The following ARMC10 variants were observed in gnomAD, a reference collection of about 807,000 sequenced individuals.
The protein encoded by ARMC10 is armadillo repeat containing 10, also known as armadillo repeat-containing protein 10.
In ARMC10, 23 loss-of-function variants were observed where a neutral mutation model predicts 30.2. The observed-to-expected ratio is 0.76, with a 90% CI of 0.55 to 1.08. The LOEUF is 1.08. Among genes scored for constraint, ARMC10 ranks in the 50% least tolerant of loss-of-function variants. The pLI is 0.00. For missense variants in ARMC10, 303 were observed against 413.7 expected, an observed-to-expected ratio of 0.73 and a Z score of 2.32; for synonymous variants, 111 against 164.4, an observed-to-expected ratio of 0.68 and a Z score of 2.48.
rs116888701 is a variant in ARMC10, at chr7:103,081,023, A to G, written c.245-2659A>G. On this transcript the variant is annotated intron_variant, in intron 2 of 6. Transcript: ENST00000323716. ...GGATTCTAAAGCCACTTTTGCTATT[A>G]TTAATCAGCTATGTGTCCCATTAAT... 3.0e-4 allele frequency among the ~76,000 whole-genome samples: 45 copies of G among 152,348 alleles called. 1 individual carries two copies. The East Asian group carries it at 7.5e-3, about 25-fold the overall frequency.
chr7:103,089,236 T>A (rs1264511117), intron 4 of ARMC10: 1 of 250,762 alleles, frequency 4.0e-6, no homozygotes, highest in Non-Finnish European at 8.8e-6. Flanking sequence ...CAGAGCTCGA[T>A]ATGCAGTAAG....
At chr7:103,093,740 G>A (rs752341535) in intron 5 of ARMC10, among the ~76,000 whole-genome samples, 4 of 152,182 alleles carry the variant, frequency 2.6e-5, no homozygotes, top group Non-Finnish European at 4.4e-5. Flanking sequence ...CTCTGCAGCT[G>A]CTTTACCCAG....
chr7:103,088,534 T>C (rs752904308), intron 4 of ARMC10: 3 of 152,600 alleles, frequency 2.0e-5, no homozygotes, highest in Admixed American at 6.5e-5. Context: ...CTTGCTTAGT[T>C]CTCCAAAGAA....
At chr7:103,086,165 A>G (rs1800834504) in intron 3 of ARMC10, among the ~76,000 whole-genome samples, 1 of 152,146 alleles carries the variant, frequency 6.6e-6, no homozygotes, top group East Asian at 1.9e-4. Context: ...TTTATGGAAC[A>G]TCTCTTAACA....
Position 103,075,289 on chromosome 7 carries a change from G to T in ARMC10, c.17G>T (p.Gly6Val). 10 of 1,223,232 alleles carry T rather than the reference G, an allele frequency of 8.2e-6. No homozygotes were observed. Among genetic ancestry groups the T allele is most frequent in the Non-Finnish European group, 1.0e-5 (10 of 981,974 alleles). The allele number at this position is 1,223,232 out of a possible 1,614,324, so 75.8% of individuals were successfully genotyped here. The change falls in exon 1 of 7, where the codon GGC becomes GTC. Residue 6 changes from glycine to valine, a missense_variant. By Grantham distance (109) the Gly-to-Val change is moderately radical. This residue lies in a region of ARMC10 where 11 missense variants were observed against 27.6 expected (regional missense o/e 0.40). Transcript: ENST00000323716. The part of the protein sequence containing the change: MGGPR[G>V]AGWVAAGLLL... ...GGCGGCAGCATGGGTGGCCCCCGGG[G>T]CGCGGGCTGGGTGGCGGCGGGCCTG...
intron 4 of ARMC10, among the ~76,000 whole-genome samples, chr7:103,092,001 CT>C (rs756725090): frequency 6.6e-6 from 1 of 152,156 alleles, no homozygotes; most frequent in South Asian, 2.1e-4. Context: ...CCAAAGGAAG[CT>C]TTTAAAAAGT....
chr7:103,083,830 A>G lies in ARMC10; in HGVS notation c.393A>G (p.Gln131=), dbSNP rs145780869. The G allele has an allele frequency of 1.2e-5, 20 of 1,613,342 alleles. No homozygotes were observed. In the African/African-American group the frequency reaches 2.4e-4, roughly 19 times the overall value. Residue 131 remains glutamine (Q), a splice_region_variant and synonymous_variant, in exon 3 of 7, where the codon CAA becomes CAG. Transcript: ENST00000323716. ...ACAATGCAGCCTTTTCAGTTAACCAAGTAAGTACCTCAACTCAGCAAGCAA... is the reference window on the plus strand; with the variant it reads ...ACAATGCAGCCTTTTCAGTTAACCAGGTAAGTACCTCAACTCAGCAAGCAA... ...LGNNAAFSVN[Q]AIIRELGGIP...
intron 4 of ARMC10, chr7:103,087,707 A>C (rs1800981227): frequency 2.3e-6 from 2 of 886,504 alleles, no homozygotes; most frequent in African/African-American, 3.6e-5. Context: ...CTTGAATATA[A>C]TGTTGATGGC....
At position 103,098,456 on chromosome 7, in the gene ARMC10, T is replaced by G; in HGVS notation, c.935T>G (p.Leu312Ter). The change falls in exon 7 of 7, where the codon TTA (leucine) becomes TGA (stop). Residue 312 changes from leucine to a stop codon, truncating the protein, a stop_gained. Transcript: ENST00000323716. LOFTEE classifies it high-confidence loss of function. Reference protein sequence around the residue: ...TFTEGSLFFLLHGEECAQKIR... With the variant: ...TFTEGSLFFL The stretch of plus-strand genomic sequence containing the variant: ...ACTGAAGGTTCATTGTTTTTCCTGT[T>G]ACATGGAGAAGAATGTGCCCAGAAA... The G allele has an allele frequency of 6.2e-7, 1 of 1,613,452 alleles. No homozygotes were observed. The highest frequency in any genetic ancestry group is 2.2e-5 in the East Asian group (1 of 44,830).
At chr7:103,081,710 T>TGTAAC (rs1800400227) in intron 2 of ARMC10, among the ~76,000 whole-genome samples, 1 of 151,842 alleles carries the variant, frequency 6.6e-6, no homozygotes, top group Admixed American at 6.6e-5. Flanking sequence ...TGAGATAACA[T>TGTAAC]AGAGTGGTAT....
At chr7:103,092,379 T>A in intron 4 of ARMC10, 98 bp from the exon 5 acceptor site, 14 of 562,330 alleles carry the variant, frequency 2.5e-5, no homozygotes, top group South Asian at 4.2e-5. Context: ...GTCGGTTCCA[T>A]CCTGAGCAGT....
At chr7:103,094,930 T>G (rs1563331048) in intron 5 of ARMC10, among the ~76,000 whole-genome samples, 1 of 149,770 alleles carries the variant, frequency 6.7e-6, no homozygotes, top group African/African-American at 2.4e-5. Context: ...ACTTAAAATT[T>G]TTATCATGAC....
intron 5 of ARMC10, chr7:103,095,882 A>G (rs935198273): frequency 6.6e-6 from 1 of 151,110 alleles, no homozygotes; most frequent in African/African-American, 2.5e-5. Context: ...GGAATTGAAC[A>G]ATGAGAACAC....
intron 1 of ARMC10, 42 bp downstream of exon 1, chr7:103,075,453 A>AG (rs778652302): frequency 7.0e-6 from 9 of 1,276,892 alleles, no homozygotes; most frequent in Admixed American, 3.5e-5. Flanking sequence ...GGGACTGGGC[A>AG]GGGGGGCTCC....
In ARMC10 at chr7:103,075,389, G is replaced by C. The variant is rs764659282; in HGVS notation, c.117G>C (p.Gly39=). 2 of 1,289,778 alleles carry C rather than the reference G, an allele frequency of 1.6e-6. No individual in the cohort carries two copies. Among genetic ancestry groups the C allele is most frequent in the Non-Finnish European group, 2.0e-6 (2 of 1,015,998 alleles). 79.9% of individuals were successfully genotyped at this position (1,289,778 alleles called of 1,614,324 possible). ...RGRRRGDREL[G]IRSSKSAGAL... The stretch of plus-strand genomic sequence containing the variant: ...GGCGGCGGGGCGACCGCGAGCTCGG[G>C]ATACGCTCTTCGAAGTCCGCAGGTG... Residue 39 remains glycine, a synonymous_variant, in exon 1 of 7, where the codon GGG becomes GGC. Transcript: ENST00000323716.
intron 2 of ARMC10, among the ~76,000 whole-genome samples, chr7:103,079,696 A>C (rs1800206026): frequency 1.3e-5 from 2 of 152,252 alleles, no homozygotes; most frequent in Non-Finnish European, 2.9e-5. Flanking sequence ...AGTACAAGTA[A>C]ATATACCCAA....
chr7:103,086,653 TA>T lies in ARMC10; in HGVS notation c.418del (p.Ile140PhefsTer20), dbSNP rs1327866630. On this transcript the variant is annotated frameshift_variant, in exon 4 of 7. Coordinates refer to ENST00000323716, the MANE Select transcript of ARMC10 (RefSeq NM_031905.5). LOFTEE classifies it high-confidence loss of function. ...NQAIIRELGG[I>X]PIVANKINHS... is the part of the protein sequence containing the mutation. ...AGGCTATTATTCGTGAATTGGGTGG[TA>T]TTCCAATTGTTGCAAACAAAATCAA... The T allele has an allele frequency of 6.3e-7, 1 of 1,589,364 alleles. No individual in the cohort carries two copies. The highest frequency in any genetic ancestry group is 1.4e-5 in the African/African-American group (1 of 73,024).
intron 3 of ARMC10, 102 bp from the exon 4 acceptor site, chr7:103,086,528 A>T: frequency 7.8e-7 from 1 of 1,286,702 alleles, no homozygotes; most frequent in East Asian, 2.6e-5. Context: ...ATTTCCAAAA[A>T]GCCGTTGATT....
At chr7:103,083,352 G>C (rs1800555357) in intron 2 of ARMC10, among the ~76,000 whole-genome samples, 1 of 152,174 alleles carries the variant, frequency 6.6e-6, no homozygotes, top group Non-Finnish European at 1.5e-5. Context: ...GGGCACAGTG[G>C]CTCATACTAT....
Sources: allele counts gnomAD v4.1 joint callset (sites outside exome capture counted in the v4.1 genomes callset), GRCh38; gene constraint gnomAD v4.1.1; regional missense constraint gnomAD v4.1.1; transcripts MANE v1.5; gene names NCBI Gene and HGNC (gene_info 2026-07-23, HGNC 2026-07-21).